Variants in TSPOAP1 observed in about 807,000 individuals in gnomAD.
TSPOAP1 encodes the protein peripheral-type benzodiazepine receptor-associated protein 1.
A neutral mutation model predicts 197.0 loss-of-function variants in TSPOAP1; 87 were observed. That is an observed-to-expected ratio of 0.44 (90% confidence interval 0.37 to 0.53). TSPOAP1 has a LOEUF of 0.53. TSPOAP1 is among the 20% of genes least tolerant of loss of function. TSPOAP1 has a pLI of 0.00. For missense variants in TSPOAP1, 2,174 were observed against 2,411.3 expected (o/e 0.90, Z 2.06); for synonymous variants, 913 against 998.9 (o/e 0.91, Z 1.62).
At position 58,309,174 on chromosome 17, in the gene TSPOAP1, C is replaced by T. The variant is rs1289165319; in HGVS notation, c.4098G>A (p.Gly1366=). The T allele has an allele frequency of 1.9e-6, 3 of 1,614,070 alleles. No homozygotes were observed. In the South Asian group the frequency reaches 3.3e-5, roughly 18 times the overall value. ...DPGPPEPALL[G]LGCDSGQPRR... is the part of the protein sequence containing the mutation. ...GGGGCTGACCACTGTCACAGCCCAGCCCCAGCAATGCAGGTTCAGGCGGGC... is the reference window on the plus strand; with the variant it reads ...GGGGCTGACCACTGTCACAGCCCAGTCCCAGCAATGCAGGTTCAGGCGGGC... Residue 1366 remains glycine, a synonymous_variant, in exon 22 of 32, where the codon GGG becomes GGA. Transcript: ENST00000343736. This position sits in a 1 kb window ranked among gnomAD's most constrained non-coding sequence, Gnocchi z 5.0.
At chr17:58,306,651 A>T in intron 25 of TSPOAP1, 149 bp downstream of exon 25, 2 of 1,067,216 alleles carry the variant, frequency 1.9e-6, no homozygotes, top group Non-Finnish European at 2.7e-6. Context: ...GTACAGTCTG[A>T]CCACTACGCA....
chr17:58,314,797 G>A (rs1431749710), intron 16 of TSPOAP1, among the ~76,000 whole-genome samples: 3 of 152,260 alleles, frequency 2.0e-5, no homozygotes, highest in Non-Finnish European at 4.4e-5. Flanking sequence ...CCAGCCTGCA[G>A]GGCTGAAGCT....
intron 16 of TSPOAP1, among the ~76,000 whole-genome samples, chr17:58,313,249 C>A (rs984442378): frequency 6.6e-6 from 1 of 152,126 alleles, no homozygotes; most frequent in Non-Finnish European, 1.5e-5. Context: ...CATTTGAAAA[C>A]TTTTGTGTTA....
At chr17:58,310,488 C>T (rs1971045931) in intron 20 of TSPOAP1, 24 bp downstream of exon 20, 1 of 1,608,278 alleles carries the variant, frequency 6.2e-7, no homozygotes, top group Non-Finnish European at 8.5e-7. Context: ...TCTGAAGTGA[C>T]ACAGTGTGTC....
At position 58,311,145 on chromosome 17, in the gene TSPOAP1, C is replaced by A; in HGVS notation, c.3150G>T (p.Gln1050His). Residue 1050 changes from glutamine (Q) to histidine (H), a missense_variant, in exon 19 of 32, where the codon CAG (glutamine) becomes CAT (histidine). This residue lies in a region of TSPOAP1 where 1,933 missense variants were observed against 2,139.0 expected (regional missense o/e 0.90). Transcript: ENST00000343736. ...TGCGCACGACCACCTCACGACACAC[C>A]TGCAGCAGCTGCAGCTGGGACAACT... ...LVELSQLQLL[Q>H]VCREVVVRTM... 6.2e-7 allele frequency: 1 copy of A among 1,609,728 alleles called. No individual in the cohort carries two copies. The highest frequency in any genetic ancestry group is 8.5e-7 in the Non-Finnish European group (1 of 1,178,676).
In TSPOAP1 at chr17:58,304,117, A is replaced by G; in HGVS notation, c.*32+221T>C. On this transcript the variant is annotated intron_variant, in intron 31 of 31. Transcript: ENST00000343736. This position sits in a 1 kb window ranked among gnomAD's most constrained non-coding sequence, Gnocchi z 4.2. Reference sequence around the variant, plus strand: ...ACACACTAAGATGACATGTAATCCTATGACAGCTGGCACTGCCCTGGGTAA... The same window carrying G: ...ACACACTAAGATGACATGTAATCCTGTGACAGCTGGCACTGCCCTGGGTAA... 1.8e-6 allele frequency: 1 copy of G among 545,058 alleles called. No homozygotes were observed. The highest frequency in any genetic ancestry group is 3.3e-6 in the Non-Finnish European group (1 of 302,690). The allele number at this position is 545,058 out of a possible 1,614,324, so 33.8% of individuals were successfully genotyped here.
In TSPOAP1 at chr17:58,325,538, C is replaced by A. The variant is rs140058787; in HGVS notation, c.746G>T (p.Gly249Val). The A allele has an allele frequency of 1.4e-4, 229 of 1,612,036 alleles. No homozygotes were observed. Among genetic ancestry groups the A allele is most frequent in the Non-Finnish European group, 1.7e-4 (204 of 1,180,004 alleles). The change falls in exon 4 of 32, where the codon GGC (glycine) becomes GTC (valine). Residue 249 changes from glycine to valine, a missense_variant. Gly to Val is a moderately radical substitution (Grantham distance 109). Around this residue, in one of 5 missense-constraint regions of TSPOAP1, gnomAD observed 1,933 missense variants for 2,139.0 expected, o/e 0.90. Coordinates refer to ENST00000343736, the MANE Select transcript of TSPOAP1 (RefSeq NM_004758.4). ...RELQARLTLV[G>V]KEGPQWLHVR... ...GTGACCAGGGCCTCCTCGCACCTTG[C>A]CCACCAGAGTGAGCCTGGCCTGCAG...
In TSPOAP1 at chr17:58,305,695, C is replaced by T. The variant is rs765136419; in HGVS notation, c.5258-52G>A. 2.2e-6 allele frequency: 3 copies of T among 1,370,326 alleles called. No individual in the cohort carries two copies. In the South Asian group the frequency reaches 3.9e-5, roughly 18 times the overall value. 84.9% of individuals were successfully genotyped at this position (1,370,326 alleles called of 1,614,324 possible). A position where few individuals can be genotyped will look rare whatever the true frequency, so the allele number is the denominator to read the frequency against. ...GGACTCTCTGGAGAGCCCTACACCC[C>T]ATCCTGTCTTCTGCCCCGGACCCCT... On this transcript the variant is annotated intron_variant, in intron 27 of 31. Transcript: ENST00000343736.
In TSPOAP1 at chr17:58,311,486, C is replaced by T. The variant is rs114916081; in HGVS notation, c.3081+85G>A. Reference sequence around the variant, plus strand: ...CCAAATGCCAGGGGCTGGGCATCTCCGTGCCAAGCCAGAGAGCCTAGACCT... The same window carrying T: ...CCAAATGCCAGGGGCTGGGCATCTCTGTGCCAAGCCAGAGAGCCTAGACCT... On this transcript the variant is annotated intron_variant, in intron 18 of 31. Transcript: ENST00000343736. The T allele has an allele frequency of 5.3e-4, 787 of 1,497,264 alleles. 4 individuals are homozygous for T. The African/African-American group carries it at 1.0e-2, about 19-fold the overall frequency. The allele number at this position is 1,497,264 out of a possible 1,614,324, so 92.7% of individuals were successfully genotyped here. A position where few individuals can be genotyped will look rare whatever the true frequency, so the allele number is the denominator to read the frequency against.
chr17:58,327,495 G>T, intron 1 of TSPOAP1, 93 bp downstream of exon 1: 1 of 1,308,816 alleles, frequency 7.6e-7, no homozygotes, highest in Non-Finnish European at 1.1e-6. Flanking sequence ...GTGGGCATTG[G>T]GGATGCATAC....
intron 29 of TSPOAP1, 87 bp from the exon 30 acceptor site, chr17:58,305,258 G>T: frequency 6.7e-7 from 1 of 1,486,416 alleles, no homozygotes; most frequent in Non-Finnish European, 9.4e-7. Context: ...GAACAGCTGG[G>T]GCCAAAACCA....
intron 19 of TSPOAP1, 25 bp from the exon 20 acceptor site, chr17:58,310,776 G>T: frequency 6.2e-7 from 1 of 1,601,968 alleles, no homozygotes; most frequent in Non-Finnish European, 8.5e-7. Context: ...ACTGAGGAAG[G>T]ACCCAAGCCC....
Position 58,309,245 on chromosome 17 carries a change from C to G in TSPOAP1, c.4027G>C (p.Glu1343Gln), listed in dbSNP as rs200964292. The change falls in exon 22 of 32, where the codon GAG becomes CAG. Residue 1343 changes from glutamate to glutamine, a missense_variant. Physicochemically the swap from Glu to Gln is conservative, Grantham distance 29. Around this residue, in one of 5 missense-constraint regions of TSPOAP1, gnomAD observed 1,933 missense variants for 2,139.0 expected, o/e 0.90. Transcript: ENST00000343736. This position sits in a 1 kb window ranked among gnomAD's most constrained non-coding sequence, Gnocchi z 5.0. ...PEEEEEEEEDEEEEKSGAGCS... is the reference protein window; with the variant it reads ...PEEEEEEEEDQEEEKSGAGCS... ...CCTGCCCCTGACTTCTCCTCCTCCT[C>G]GTCCTCCTCTTCCTCTTCCTCCTCC... 23 of 1,613,754 alleles carry G rather than the reference C, an allele frequency of 1.4e-5. No individual in the cohort carries two copies. The highest frequency in any genetic ancestry group is 1.9e-5 in the Non-Finnish European group (22 of 1,179,936).
At chr17:58,318,189 C>T (rs1428426777) in intron 14 of TSPOAP1, 91 bp downstream of exon 14, 3 of 1,468,232 alleles carry the variant, frequency 2.0e-6, no homozygotes, top group East Asian at 2.3e-5. Flanking sequence ...TGCCACCCAA[C>T]TCCTGGGGAC....
In TSPOAP1 at chr17:58,318,271, A is replaced by C. The variant is rs375724439; in HGVS notation, c.1872+9T>G. On this transcript the variant is annotated intron_variant, in intron 14 of 31. Coordinates refer to ENST00000343736, the MANE Select transcript of TSPOAP1 (RefSeq NM_004758.4). ...AAGCCAGAACTTCAGGCCCCACCCC[A>C]GCAATTACCTCAGGTGTAGGGCATG... 1.2e-6 allele frequency: 2 copies of C among 1,613,734 alleles called. No homozygotes were observed. Among genetic ancestry groups the C allele is most frequent in the Non-Finnish European group, 1.7e-6 (2 of 1,179,654 alleles).
Position 58,327,585 on chromosome 17 carries a change from T to C in TSPOAP1, c.333+3A>G. ...AGACCCCAGCCCTCCACAGATCCCT[T>C]ACCTTCAGGAAAGCCTCCACTTCCT... is the stretch of plus-strand genomic sequence containing the variant. On this transcript the variant is annotated splice_donor_region_variant and intron_variant, in intron 1 of 31. Coordinates refer to ENST00000343736, the MANE Select transcript of TSPOAP1 (RefSeq NM_004758.4). The C allele has an allele frequency of 6.2e-7, 1 of 1,610,406 alleles. No homozygotes were observed. Among genetic ancestry groups the C allele is most frequent in the Non-Finnish European group, 8.5e-7 (1 of 1,177,948 alleles).
In TSPOAP1 at chr17:58,325,622, GCTGTCTCA is replaced by G; in HGVS notation, c.654_661del (p.Glu219GlnfsTer145). On this transcript the variant is annotated frameshift_variant, in exon 4 of 32. Transcript: ENST00000343736. LOFTEE classifies it high-confidence loss of function. ...CTTGTCCTTGGCCAGCAGTGCACTG[GCTGTCTCA>G]CTGAGGTCCCGGGCTCGCTGGCGGG... 1 of 1,613,616 alleles carries G rather than the reference GCTGTCTCA, an allele frequency of 6.2e-7. No individual in the cohort carries two copies.
chr17:58,310,912 G>A lies in TSPOAP1; in HGVS notation c.3383C>T (p.Pro1128Leu). ...HPAPLGTQEP[P>L]GAPPASPSRE... Reference sequence around the variant, plus strand: ...GGAAGGGCTTGCAGGGGGTGCTCCTGGAGGCTCTTGAGTTCCAAGGGGAGC... The same window carrying A: ...GGAAGGGCTTGCAGGGGGTGCTCCTAGAGGCTCTTGAGTTCCAAGGGGAGC... The change falls in exon 19 of 32, where the codon CCA (proline) becomes CTA (leucine). Residue 1128 changes from proline to leucine, a missense_variant. Physicochemically the swap from Pro to Leu is moderately conservative, Grantham distance 98. Coordinates refer to ENST00000343736, the MANE Select transcript of TSPOAP1 (RefSeq NM_004758.4). 6.5e-7 allele frequency: 1 copy of A among 1,549,790 alleles called. No individual in the cohort carries two copies. The highest frequency in any genetic ancestry group is 8.7e-7 in the Non-Finnish European group (1 of 1,153,366).
chr17:58,320,123 A>G lies in TSPOAP1; in HGVS notation c.1480T>C (p.Leu494=). 6.2e-7 allele frequency: 1 copy of G among 1,614,144 alleles called. No homozygotes were observed. The highest frequency in any genetic ancestry group is 8.5e-7 in the Non-Finnish European group (1 of 1,180,002). ...EGAVQLLEST[L]DSMQARVREL... is the part of the protein sequence containing the mutation. ...CGAGGCGCTACCTGCATGGAATCCA[A>G]GGTAGACTGTTGCAGGAAAGGAAGC... The change falls in exon 12 of 32, where the codon TTG becomes CTG. Residue 494 remains leucine, a synonymous_variant. Coordinates refer to ENST00000343736, the MANE Select transcript of TSPOAP1 (RefSeq NM_004758.4).
Sources: allele counts gnomAD v4.1 joint callset (sites outside exome capture counted in the v4.1 genomes callset), GRCh38; gene constraint gnomAD v4.1.1; regional missense constraint gnomAD v4.1.1; non-coding constraint Gnocchi (gnomAD v3.1); transcripts MANE v1.5; gene names NCBI Gene and HGNC (gene_info 2026-07-23, HGNC 2026-07-21).